Variants in DOCK4 observed in about 807,000 individuals in gnomAD.
The protein encoded by DOCK4 is dedicator of cytokinesis protein 4.
In DOCK4, 97 loss-of-function variants were observed where a neutral mutation model predicts 268.1. That is an observed-to-expected ratio of 0.36 (90% confidence interval 0.31 to 0.43). The LOEUF (loss-of-function observed/expected upper bound fraction) is 0.43, where lower values mean the gene tolerates loss of function less well. DOCK4 is among the 20% of genes least tolerant of loss of function. The probability of loss-of-function intolerance (pLI) is 1.00; values close to 1 mark genes in which losing one functional copy is unlikely to be tolerated. For missense variants in DOCK4, 2,145 were observed against 2,455.7 expected (o/e 0.87, Z 2.67); for synonymous variants, 954 against 887.2 (o/e 1.08, Z -1.34).
chr7:111,862,489 T>C (rs1269573261), intron 23 of DOCK4, among the ~76,000 whole-genome samples: 1 of 46,352 alleles, frequency 2.2e-5, no homozygotes, highest in South Asian at 5.7e-4. Flanking sequence ...ATTCTTTTTT[T>C]TTTTTTTTTT....
At chr7:112,201,098 A>G (rs1039621375) in intron 1 of DOCK4, among the ~76,000 whole-genome samples, 2 of 152,216 alleles carry the variant, frequency 1.3e-5, no homozygotes, top group African/African-American at 4.8e-5. Context: ...TTAGCTAAGA[A>G]ACTACAAAAA....
intron 1 of DOCK4, among the ~76,000 whole-genome samples, chr7:112,147,202 C>A (rs543710399): frequency 2.0e-5 from 3 of 152,286 alleles, no homozygotes; most frequent in Admixed American, 2.0e-4. Flanking sequence ...TAGAAATATA[C>A]ACAGGTGAAC....
At chr7:111,827,237 C>T (rs577192713) in intron 26 of DOCK4, among the ~76,000 whole-genome samples, 146 of 152,202 alleles carry the variant, frequency 9.6e-4, no homozygotes, top group African/African-American at 1.8e-3. Context: ...AAGTATCTTA[C>T]GCAAAATAAC....
intron 7 of DOCK4, among the ~76,000 whole-genome samples, chr7:111,983,406 T>A (rs1798756586): frequency 6.6e-6 from 1 of 152,182 alleles, no homozygotes; most frequent in Admixed American, 6.5e-5. Flanking sequence ...TTCTTGGAAC[T>A]TTATGGTAAG....
At chr7:112,138,024 C>A (rs1205657691) in intron 1 of DOCK4, among the ~76,000 whole-genome samples, 3 of 152,158 alleles carry the variant, frequency 2.0e-5, no homozygotes, top group African/African-American at 4.8e-5. Flanking sequence ...TAAATAATTT[C>A]TTCTCTACAA....
intron 23 of DOCK4, among the ~76,000 whole-genome samples, chr7:111,848,250 G>T (rs1016744342): frequency 6.6e-6 from 1 of 151,992 alleles, no homozygotes; most frequent in African/African-American, 2.4e-5. Flanking sequence ...TCCAAATCAT[G>T]TATTCAGTTT....
chr7:111,944,891 G>T lies in DOCK4; in HGVS notation c.784-20C>A. On this transcript the variant is annotated intron_variant, in intron 9 of 52. Coordinates refer to ENST00000428084, the MANE Select transcript of DOCK4 (RefSeq NM_001363540.2). The stretch of plus-strand genomic sequence containing the variant: ...CAAATCCTACAAACAAAGAAAGTTT[G>T]GTTATTTTGGAAGACATGAGCGGCA... 2 of 1,613,336 alleles carry T rather than the reference G, an allele frequency of 1.2e-6. No homozygotes were observed. Among genetic ancestry groups the T allele is most frequent in the African/African-American group, 1.3e-5 (1 of 74,998 alleles).
At chr7:112,205,957 G>C in intron 1 of DOCK4, 145 bp downstream of exon 1, 1 of 885,406 alleles carries the variant, frequency 1.1e-6, no homozygotes, top group South Asian at 1.6e-5. Flanking sequence ...CCTGGAGCTG[G>C]CTCGGCAAAG....
At chr7:111,797,784 C>T (rs1429159348) in intron 30 of DOCK4, among the ~76,000 whole-genome samples, 1 of 152,094 alleles carries the variant, frequency 6.6e-6, no homozygotes, top group Admixed American at 6.5e-5. Context: ...GATAAGAATC[C>T]TGTAGCCTTT....
intron 1 of DOCK4, among the ~76,000 whole-genome samples, chr7:112,176,841 G>A (rs2116656795): frequency 6.6e-6 from 1 of 152,250 alleles, no homozygotes; most frequent in South Asian, 2.1e-4. Context: ...ATAAAAACAA[G>A]TTTGGTGGTG....
intron 1 of DOCK4, among the ~76,000 whole-genome samples, chr7:112,156,023 G>A (rs1438884002): frequency 6.6e-6 from 1 of 152,142 alleles, no homozygotes; most frequent in Admixed American, 6.6e-5. Context: ...AGGAATCATA[G>A]CCCAGTTTGT....
intron 13 of DOCK4, among the ~76,000 whole-genome samples, chr7:111,906,269 C>A (rs1449276144): frequency 1.3e-5 from 2 of 152,054 alleles, no homozygotes; most frequent in African/African-American, 2.4e-5. Context: ...AACACAGAGA[C>A]AGACACAAAT....
At chr7:112,115,674 A>G (rs1196505518) in intron 1 of DOCK4, among the ~76,000 whole-genome samples, 2 of 117,200 alleles carry the variant, frequency 1.7e-5, no homozygotes, top group East Asian at 3.1e-4. Flanking sequence ...TCCATCCATC[A>G]TCTATGTAAT....
At chr7:112,097,411 G>T (rs551837462) in intron 1 of DOCK4, among the ~76,000 whole-genome samples, 20 of 147,554 alleles carry the variant, frequency 1.4e-4, no homozygotes, top group Non-Finnish European at 2.7e-4. Flanking sequence ...TCATCTCTAC[G>T]TTTTTTTTTT....
chr7:112,196,345 A>G (rs1442566892), intron 1 of DOCK4, among the ~76,000 whole-genome samples: 1 of 152,144 alleles, frequency 6.6e-6, no homozygotes. Context: ...TCTGTCACCA[A>G]TACCCTGCCA....
At chr7:111,866,145 A>G (rs536837287) in intron 22 of DOCK4, among the ~76,000 whole-genome samples, 1 of 152,312 alleles carries the variant, frequency 6.6e-6, no homozygotes, top group Admixed American at 6.5e-5. Flanking sequence ...CAGCAATAGA[A>G]AACTAACACA....
chr7:112,007,014 C>T (rs1291179489), intron 1 of DOCK4, among the ~76,000 whole-genome samples: 1 of 152,192 alleles, frequency 6.6e-6, no homozygotes, highest in African/African-American at 2.4e-5. Context: ...TTGCCTTCTT[C>T]ACTCCTACAC....
intron 36 of DOCK4, among the ~76,000 whole-genome samples, chr7:111,771,519 C>T (rs1230651976): frequency 1.3e-5 from 2 of 152,174 alleles, no homozygotes; most frequent in African/African-American, 4.8e-5. Context: ...GACACAGACA[C>T]AGAGCTGAAT....
At chr7:112,160,763 C>A (rs1586947026) in intron 1 of DOCK4, among the ~76,000 whole-genome samples, 1 of 152,336 alleles carries the variant, frequency 6.6e-6, no homozygotes, top group African/African-American at 2.4e-5. Context: ...ATACACTTAT[C>A]TTTCGAAACA....
Sources: gnomAD v4.1 joint callset for allele counts (sites outside exome capture counted in the v4.1 genomes callset) on GRCh38, gnomAD v4.1.1 for gene constraint, MANE v1.5 for transcripts, NCBI Gene and HGNC (gene_info 2026-07-23, HGNC 2026-07-21) for gene names.